TIA1: variants seen among roughly 807,000 people sequenced by gnomAD.
The protein encoded by TIA1 is TIA1 cytotoxic granule associated RNA binding protein.
TIA1 carries 23 observed loss-of-function variants against 65.9 expected under a neutral mutation model. That is an observed-to-expected ratio of 0.35 (90% confidence interval 0.25 to 0.49). TIA1 has a LOEUF of 0.49. Among genes scored for constraint, TIA1 ranks in the 20% least tolerant of loss-of-function variants. The pLI is 0.98. For synonymous variants in TIA1, 147 were observed against 149.4 expected, an observed-to-expected ratio of 0.98 and a Z score of 0.12; for missense variants, 371 against 477.9, an observed-to-expected ratio of 0.78 and a Z score of 2.09.
chr2:70,216,804 T>A, intron 8 of TIA1, 82 bp downstream of exon 8: 1 of 1,609,704 alleles, frequency 6.2e-7, no homozygotes, highest in Non-Finnish European at 8.5e-7. Context: ...GCAATAAGTC[T>A]CCGGGAACAG....
At chr2:70,219,687 G>C (rs1379162493) in intron 7 of TIA1, among the ~76,000 whole-genome samples, 1 of 148,054 alleles carries the variant, frequency 6.8e-6, no homozygotes, top group East Asian at 2.0e-4. Context: ...GCCTTTACTG[G>C]TTGCAACAGG....
chr2:70,248,359 C>T (rs201249410), intron 1 of TIA1, 46 bp downstream of exon 1: 242 of 1,589,396 alleles, frequency 1.5e-4, no homozygotes, highest in Non-Finnish European at 2.1e-4. Context: ...GCCTTCCCTC[C>T]GGGACGACCA....
At chr2:70,223,698 G>A (rs926304107) in intron 7 of TIA1, among the ~76,000 whole-genome samples, 5 of 150,954 alleles carry the variant, frequency 3.3e-5, no homozygotes, top group Non-Finnish European at 1.5e-5. Context: ...ACAGGTGTGA[G>A]CCACTGGGCT....
Position 70,209,915 on chromosome 2 carries a change from C to T in TIA1, c.*2804G>A. 1 of 391,320 alleles carries T rather than the reference C, an allele frequency of 2.6e-6. No individual in the cohort carries two copies. Among genetic ancestry groups the T allele is most frequent in the Non-Finnish European group, 4.5e-6 (1 of 222,006 alleles). The allele number at this position is 391,320 out of a possible 1,614,324, so 24.2% of individuals were successfully genotyped here. A position where few individuals can be genotyped will look rare whatever the true frequency, so the allele number is the denominator to read the frequency against. On this transcript the variant is annotated 3_prime_UTR_variant, in exon 13 of 13. Coordinates refer to ENST00000433529, the MANE Select transcript of TIA1 (RefSeq NM_022173.4). ...TCAAATGGAATAGAACTATAACACA[C>T]AAATAAAAGGAAGATGTACAAGCAC...
chr2:70,224,423 ATCT>A (rs1682919627), intron 7 of TIA1, 128 bp downstream of exon 7: 3 of 1,284,556 alleles, frequency 2.3e-6, no homozygotes, highest in South Asian at 2.8e-5. Flanking sequence ...AACAGAAGAA[ATCT>A]TCTAGTGAGG....
At chr2:70,222,901 G>C (rs955271942) in intron 7 of TIA1, among the ~76,000 whole-genome samples, 1 of 152,064 alleles carries the variant, frequency 6.6e-6, no homozygotes, top group Non-Finnish European at 1.5e-5. Context: ...GCAACAGAGC[G>C]AAACTCCGTC....
At chr2:70,218,750 G>A (rs953785128) in intron 7 of TIA1, among the ~76,000 whole-genome samples, 12 of 152,354 alleles carry the variant, frequency 7.9e-5, no homozygotes, top group Admixed American at 2.6e-4. Flanking sequence ...CATTCTTAGC[G>A]CTAAGAGGAG....
intron 9 of TIA1, 22 bp from the exon 10 acceptor site, chr2:70,216,314 C>T: frequency 1.9e-6 from 3 of 1,580,128 alleles, no homozygotes; most frequent in Non-Finnish European, 2.6e-6. Context: ...AAAACCAAAA[C>T]AAACAAATCA....
At chr2:70,246,362 A>C (rs1401926326) in intron 1 of TIA1, among the ~76,000 whole-genome samples, 3 of 152,244 alleles carry the variant, frequency 2.0e-5, no homozygotes, top group Non-Finnish European at 4.4e-5. Context: ...TTCCAGGGTC[A>C]TTAAAGCAAA....
At chr2:70,246,812 G>A (rs895480905) in intron 1 of TIA1, among the ~76,000 whole-genome samples, 1 of 152,146 alleles carries the variant, frequency 6.6e-6, no homozygotes, top group Non-Finnish European at 1.5e-5. Flanking sequence ...TTTAAACCCA[G>A]GAGGTGGAGG....
At chr2:70,214,698 A>G (rs748481522) in intron 11 of TIA1, among the ~76,000 whole-genome samples, 5 of 152,124 alleles carry the variant, frequency 3.3e-5, no homozygotes, top group Non-Finnish European at 7.4e-5. Flanking sequence ...ATACTGCTGT[A>G]ACTCTACGTG....
In TIA1 at chr2:70,236,324, C is replaced by T. The variant is rs1340119360; in HGVS notation, c.27-149G>A. On this transcript the variant is annotated intron_variant, in intron 1 of 12. Coordinates refer to ENST00000433529, the MANE Select transcript of TIA1 (RefSeq NM_022173.4). Reference sequence around the variant, plus strand: ...AGTGATTCCCCTGCCTCAGCCTCCCCGAGTAGCTGGGATTACAGGCATGCG... The same window carrying T: ...AGTGATTCCCCTGCCTCAGCCTCCCTGAGTAGCTGGGATTACAGGCATGCG... 1.9e-5 allele frequency: 10 copies of T among 523,076 alleles called. No individual in the cohort carries two copies. The East Asian group carries it at 2.7e-4, about 14-fold the overall frequency. 32.4% of individuals were successfully genotyped at this position (523,076 alleles called of 1,614,324 possible). A position where few individuals can be genotyped will look rare whatever the true frequency, so the allele number is the denominator to read the frequency against.
chr2:70,237,421 C>G (rs1161312302), intron 1 of TIA1, among the ~76,000 whole-genome samples: 4 of 151,728 alleles, frequency 2.6e-5, no homozygotes, highest in Non-Finnish European at 5.9e-5. Flanking sequence ...ATATATTACA[C>G]CTTGCTAGTG....
In TIA1 at chr2:70,209,818, C is replaced by T. The variant is rs1676039579; in HGVS notation, c.*2901G>A. 3 of 397,640 alleles carry T rather than the reference C, an allele frequency of 7.5e-6. No individual in the cohort carries two copies. The highest frequency in any genetic ancestry group is 6.2e-5 in the African/African-American group (3 of 48,586). The allele number at this position is 397,640 out of a possible 1,614,324, so 24.6% of individuals were successfully genotyped here. On this transcript the variant is annotated 3_prime_UTR_variant, in exon 13 of 13. Transcript: ENST00000433529. ...TTTCGTTTTTCTAATTCAACTGTAA[C>T]CTCAGGACCACTGTACAGCACTTAG...
At chr2:70,226,869 A>C (rs182904179) in intron 6 of TIA1, among the ~76,000 whole-genome samples, 29 of 152,206 alleles carry the variant, frequency 1.9e-4, no homozygotes, top group African/African-American at 6.5e-4. Flanking sequence ...CACATCCCCT[A>C]ATCAAGGAAC....
intron 1 of TIA1, among the ~76,000 whole-genome samples, chr2:70,246,515 C>G (rs1187312917): frequency 6.6e-6 from 1 of 152,112 alleles, no homozygotes; most frequent in Non-Finnish European, 1.5e-5. Context: ...AGTATGACTA[C>G]TTTGAGGAAG....
chr2:70,217,559 GGC>G (rs1679203158), intron 7 of TIA1, among the ~76,000 whole-genome samples: 3 of 152,102 alleles, frequency 2.0e-5, no homozygotes, highest in African/African-American at 7.2e-5. Flanking sequence ...CACCACGCCT[GGC>G]TCATTTTTTG....
intron 11 of TIA1, 80 bp from the exon 12 acceptor site, chr2:70,214,574 CA>C: frequency 1.0e-6 from 1 of 957,932 alleles, no homozygotes; most frequent in Non-Finnish European, 1.3e-6. Context: ...AATTCTTAGC[CA>C]AAACACACAG....
chr2:70,234,110 G>C (rs1687742913), intron 2 of TIA1, among the ~76,000 whole-genome samples: 1 of 152,226 alleles, frequency 6.6e-6, no homozygotes, highest in Non-Finnish European at 1.5e-5. Flanking sequence ...ACCAGCCAGA[G>C]AGAGAGTAGC....
Sources: gnomAD v4.1 joint callset for allele counts (sites outside exome capture counted in the v4.1 genomes callset) on GRCh38, gnomAD v4.1.1 for gene constraint, MANE v1.5 for transcripts, NCBI Gene and HGNC (gene_info 2026-07-23, HGNC 2026-07-21) for gene names.